The following CEP290 variants were observed in gnomAD, a reference collection of about 807,000 sequenced individuals.
CEP290 encodes the protein centrosomal protein of 290 kDa.
CEP290 carries 317 observed loss-of-function variants against 344.9 expected under a neutral mutation model. The ratio of observed to expected loss-of-function variants is 0.92; its 90% CI spans 0.84 to 1.01. The LOEUF is 1.01. CEP290 is among the 50% of genes least tolerant of loss of function. The pLI, the probability that CEP290 is intolerant of heterozygous loss-of-function variation, is 0.00. For missense variants in CEP290, 2,754 were observed against 2,761.4 expected, an observed-to-expected ratio of 1.00 and a Z score of 0.06; for synonymous variants, 932 against 895.8, an observed-to-expected ratio of 1.04 and a Z score of -0.72.
chr12:88,054,312 A>C (rs755798278), intron 51 of CEP290, 28 bp downstream of exon 51: 7 of 1,475,658 alleles, frequency 4.7e-6, no homozygotes, highest in Non-Finnish European at 6.5e-6. Flanking sequence ...AGAAAAAAAC[A>C]AAGTAGTCAT....
At chr12:88,104,581 A>C (rs1389009615) in intron 25 of CEP290, among the ~76,000 whole-genome samples, 1 of 151,958 alleles carries the variant, frequency 6.6e-6, no homozygotes, top group South Asian at 2.1e-4. Flanking sequence ...AAGGAAAAAA[A>C]TCCCTAAAAT....
At chr12:88,090,579 T>C in intron 30 of CEP290, 149 bp downstream of exon 30, 2 of 570,966 alleles carry the variant, frequency 3.5e-6, no homozygotes, top group Non-Finnish European at 6.1e-6. Context: ...GCAATGAGCC[T>C]TGAATGTACC....
In CEP290 at chr12:88,089,343, G is replaced by C. The variant is rs2036839949; in HGVS notation, c.3718C>G (p.Gln1240Glu). The C allele has an allele frequency of 1.9e-6, 3 of 1,613,840 alleles. No homozygotes were observed. The highest frequency in any genetic ancestry group is 1.3e-5 in the African/African-American group (1 of 74,958). The change falls in exon 31 of 54, where the codon CAG becomes GAG. Residue 1240 changes from glutamine (Q) to glutamate (E), a missense_variant. Coordinates refer to ENST00000552810, the MANE Select transcript of CEP290 (RefSeq NM_025114.4). ...KMEAYNLRLEQKLDEKEQALY... is the reference protein window; with the variant it reads ...KMEAYNLRLEEKLDEKEQALY... ...GCCTGTTCTTTTTCATCAAGTTTCT[G>C]CTCTAAGCGCAAGTTGTAGGCCTCC...
intron 48 of CEP290, 63 bp from the exon 49 acceptor site, chr12:88,059,083 G>T: frequency 7.6e-7 from 1 of 1,315,348 alleles, no homozygotes. Context: ...TAGATTCAGT[G>T]TATTCAAAAT....
At chr12:88,128,835 C>T (rs1220852782) in intron 11 of CEP290, 111 bp downstream of exon 11, 1 of 583,158 alleles carries the variant, frequency 1.7e-6, no homozygotes, top group Non-Finnish European at 2.8e-6. Flanking sequence ...TGTTTAAAAA[C>T]CCTAATAAAC....
chr12:88,127,649 C>T (rs922369097), intron 11 of CEP290, among the ~76,000 whole-genome samples: 4 of 151,862 alleles, frequency 2.6e-5, no homozygotes, highest in African/African-American at 9.7e-5. Flanking sequence ...GCAAAAAATG[C>T]CATAAAGCAA....
At chr12:88,088,659 C>T (rs1380284541) in intron 31 of CEP290, among the ~76,000 whole-genome samples, 1 of 151,944 alleles carries the variant, frequency 6.6e-6, no homozygotes, top group Non-Finnish European at 1.5e-5. Flanking sequence ...TTCATATAGG[C>T]ATATATTAAG....
At position 88,089,322 on chromosome 12, in the gene CEP290, G is replaced by A. The variant is rs758878983; in HGVS notation, c.3739C>T (p.Gln1247Ter). 2 of 1,613,832 alleles carry A rather than the reference G, an allele frequency of 1.2e-6. No homozygotes were observed. Among genetic ancestry groups the A allele is most frequent in the African/African-American group, 1.3e-5 (1 of 74,920 alleles). The change falls in exon 31 of 54, where the codon CAG becomes TAG. Residue 1247 changes from glutamine to a stop codon, truncating the protein, a stop_gained. Coordinates refer to ENST00000552810, the MANE Select transcript of CEP290 (RefSeq NM_025114.4). LOFTEE classifies it high-confidence loss of function. The stretch of plus-strand genomic sequence containing the variant: ...TCCAAACGAGCATAATAGAGAGCCT[G>A]TTCTTTTTCATCAAGTTTCTGCTCT... ...RLEQKLDEKE[Q>*]ALYYARLEGR...
At chr12:88,052,225 T>G (rs537926003) in intron 52 of CEP290, among the ~76,000 whole-genome samples, 1 of 152,346 alleles carries the variant, frequency 6.6e-6, no homozygotes, top group South Asian at 2.1e-4. Flanking sequence ...TAAATTGGTA[T>G]AATCCTTTGG....
At chr12:88,114,972 A>G in intron 19 of CEP290, 126 bp downstream of exon 19, 1 of 569,188 alleles carries the variant, frequency 1.8e-6, no homozygotes, top group South Asian at 2.4e-5. Context: ...TGAAGTATAT[A>G]CAGTACAGAG....
chr12:88,084,858 A>G lies in CEP290; in HGVS notation c.4438-6T>C. On this transcript the variant is annotated splice_polypyrimidine_tract_variant and splice_region_variant and intron_variant, in intron 34 of 53. Transcript: ENST00000552810. ...GATTCTTTCTCTTTTAGTTTCTGCA[A>G]TGATTAAATTATAATAAATCATTAA... 3.3e-6 allele frequency: 5 copies of G among 1,506,726 alleles called. No individual in the cohort carries two copies. Among genetic ancestry groups the G allele is most frequent in the Non-Finnish European group, 4.4e-6 (5 of 1,125,172 alleles). 93.3% of individuals were successfully genotyped at this position (1,506,726 alleles called of 1,614,324 possible). A position where few individuals can be genotyped will look rare whatever the true frequency, so the allele number is the denominator to read the frequency against.
chr12:88,135,024 A>G (rs749647609), intron 6 of CEP290, among the ~76,000 whole-genome samples: 2 of 152,184 alleles, frequency 1.3e-5, no homozygotes, highest in African/African-American at 2.4e-5. Flanking sequence ...ATGCCAGAAT[A>G]TGACCTTATG....
chr12:88,059,564 C>T (rs1269288659), intron 48 of CEP290, among the ~76,000 whole-genome samples: 4 of 152,046 alleles, frequency 2.6e-5, no homozygotes, highest in East Asian at 1.9e-4. Context: ...CCCGCCACCA[C>T]GCCCGGCTAA....
chr12:88,082,103 T>C (rs1190381788), intron 37 of CEP290, among the ~76,000 whole-genome samples: 1 of 152,180 alleles, frequency 6.6e-6, no homozygotes, highest in Non-Finnish European at 1.5e-5. Flanking sequence ...AGTCAAGCAG[T>C]TCAATTTTCT....
At chr12:88,075,231 T>C (rs2035672645) in intron 41 of CEP290, among the ~76,000 whole-genome samples, 1 of 151,798 alleles carries the variant, frequency 6.6e-6, no homozygotes, top group Non-Finnish European at 1.5e-5. Flanking sequence ...TTTGCATTGA[T>C]TGTTGTTATG....
Position 88,111,776 on chromosome 12 carries a change from T to C in CEP290, c.2135A>G (p.Asn712Ser). 2 of 1,607,566 alleles carry C rather than the reference T, an allele frequency of 1.2e-6. No homozygotes were observed. The highest frequency in any genetic ancestry group is 1.7e-6 in the Non-Finnish European group (2 of 1,177,346). The part of the protein sequence containing the change: ...KAQVDQLTGR[N>S]EELRQELRES... ...CCTGAGCTCCTGTCTTAATTCTTCA[T>C]TTCTTCCGGTAAGCTGATCAACTTG... is the stretch of plus-strand genomic sequence containing the variant. The change falls in exon 21 of 54, where the codon AAT becomes AGT. Residue 712 changes from asparagine (N) to serine (S), a missense_variant. By Grantham distance (46) the Asn-to-Ser change is conservative. Coordinates refer to ENST00000552810, the MANE Select transcript of CEP290 (RefSeq NM_025114.4).
At chr12:88,115,905 G>A in intron 18 of CEP290, 2 of 984,000 alleles carry the variant, frequency 2.0e-6, no homozygotes, top group Non-Finnish European at 2.4e-6. Flanking sequence ...CAATATCTCT[G>A]TCTGTAAGGG....
chr12:88,125,775 C>T lies in CEP290; in HGVS notation c.1066-406G>A, dbSNP rs531148871. ...CGTACTTTATTAAAAAATGTTGTCC[C>T]CTGTAATTGTTCTTATTCAGCATAC... On this transcript the variant is annotated intron_variant, in intron 12 of 53. Transcript: ENST00000552810. 8.6e-5 allele frequency among the ~76,000 whole-genome samples: 13 copies of T among 151,952 alleles called. No individual in the cohort carries two copies. The South Asian group carries it at 2.7e-3, about 32-fold the overall frequency.
At chr12:88,075,373 G>T (rs1222851922) in intron 41 of CEP290, among the ~76,000 whole-genome samples, 2 of 152,046 alleles carry the variant, frequency 1.3e-5, no homozygotes, top group Non-Finnish European at 2.9e-5. Flanking sequence ...TGTACCAAAA[G>T]CTTCGTATGC....
Sources: allele counts gnomAD v4.1 joint callset (sites outside exome capture counted in the v4.1 genomes callset), GRCh38; gene constraint gnomAD v4.1.1; transcripts MANE v1.5; gene names NCBI Gene and HGNC (gene_info 2026-07-23, HGNC 2026-07-21).